The following SLC13A3 variants were observed in gnomAD, a reference collection of about 807,000 sequenced individuals.
The protein encoded by SLC13A3 is solute carrier family 13 member 3.
SLC13A3 carries 40 observed loss-of-function variants against 59.0 expected under a neutral mutation model. The ratio of observed to expected loss-of-function variants is 0.68; its 90% CI spans 0.53 to 0.88. The LOEUF (loss-of-function observed/expected upper bound fraction) is 0.88, where lower values mean the gene tolerates loss of function less well. SLC13A3 is among the 40% of genes least tolerant of loss of function. The pLI, the probability that SLC13A3 is intolerant of heterozygous loss-of-function variation, is 0.00. For missense variants in SLC13A3, 699 were observed against 783.2 expected, an observed-to-expected ratio of 0.89 and a Z score of 1.28; for synonymous variants, 317 against 330.3, an observed-to-expected ratio of 0.96 and a Z score of 0.44.
At chr20:46,588,846 G>A (rs78632391) in intron 7 of SLC13A3, among the ~76,000 whole-genome samples, 1,787 of 152,250 alleles carry the variant, frequency 0.012, 41 homozygotes, top group African/African-American at 0.041. Flanking sequence ...CATTAAACAA[G>A]GTCCCGGAAG....
At chr20:46,670,712 T>C (rs2063086092), upstream of SLC13A3, among the ~76,000 whole-genome samples, 1 of 152,142 alleles carries the variant, frequency 6.6e-6, no homozygotes, top group Non-Finnish European at 1.5e-5. Context: ...CTGCACCATG[T>C]GGAGCAGAAG....
intron 5 of SLC13A3, among the ~76,000 whole-genome samples, chr20:46,594,839 T>C (rs980859086): frequency 1.3e-5 from 2 of 152,064 alleles, no homozygotes; most frequent in African/African-American, 4.8e-5. Context: ...GTATTGGCAA[T>C]TCATCTCACT....
At chr20:46,581,452 A>C (rs1409806936) in intron 9 of SLC13A3, among the ~76,000 whole-genome samples, 1 of 152,218 alleles carries the variant, frequency 6.6e-6, no homozygotes, top group Non-Finnish European at 1.5e-5. Flanking sequence ...CTGGGCAAAG[A>C]GAAGTGACAC....
upstream of SLC13A3, chr20:46,651,500 G>A: frequency 3.0e-6 from 4 of 1,350,096 alleles, no homozygotes; most frequent in Non-Finnish European, 3.8e-6. Context: ...CCTGGGGGAG[G>A]GTCGGGGAGG....
intron 11 of SLC13A3, among the ~76,000 whole-genome samples, chr20:46,565,915 T>C (rs529495854): frequency 3.3e-5 from 5 of 152,318 alleles, no homozygotes; most frequent in Non-Finnish European, 7.4e-5. Flanking sequence ...GCCATTTGTT[T>C]ACTCAGATTT....
chr20:46,603,086 G>A (rs1439936836), intron 3 of SLC13A3, among the ~76,000 whole-genome samples: 1 of 151,948 alleles, frequency 6.6e-6, no homozygotes, highest in African/African-American at 2.4e-5. Flanking sequence ...GCTGAGGCAG[G>A]AGAATTGCTT....
intron 1 of SLC13A3, among the ~76,000 whole-genome samples, chr20:46,665,039 AT>A (rs77736628): frequency 0.097 from 14,559 of 150,130 alleles, 1,248 homozygotes; most frequent in African/African-American, 0.23. Context: ...TTCTGCTTTC[AT>A]TTTTTTTTTA....
chr20:46,614,142 GAGA>G (rs2062532140), intron 1 of SLC13A3, among the ~76,000 whole-genome samples: 1 of 152,218 alleles, frequency 6.6e-6, no homozygotes, highest in Non-Finnish European at 1.5e-5. Flanking sequence ...AGTGTCCCAT[GAGA>G]AGGTTACCAC....
intron 7 of SLC13A3, 85 bp from the exon 8 acceptor site, chr20:46,588,248 G>A (rs1201783981): frequency 1.3e-6 from 1 of 750,216 alleles, no homozygotes; most frequent in Non-Finnish European, 2.2e-6. Flanking sequence ...CTGCCCACTG[G>A]GAGTGACTGG....
upstream of SLC13A3, among the ~76,000 whole-genome samples, chr20:46,653,361 C>G (rs548877404): frequency 5.3e-5 from 8 of 152,296 alleles, no homozygotes; most frequent in African/African-American, 1.9e-4. Context: ...TTTGTTCTCA[C>G]AGAAGTGTCC....
rs542553100 is a variant in SLC13A3, at chr20:46,613,865, G to T, written c.112-140C>A. 1.2e-4 allele frequency: 84 copies of T among 726,364 alleles called. No individual in the cohort carries two copies. In the East Asian group the frequency reaches 2.3e-3, roughly 20 times the overall value. The allele number at this position is 726,364 out of a possible 1,614,324, so 45.0% of individuals were successfully genotyped here. On this transcript the variant is annotated intron_variant, in intron 1 of 12. Coordinates refer to ENST00000279027, the MANE Select transcript of SLC13A3 (RefSeq NM_022829.6). ...GGAGGCCTGCGGCAGGGCCTGCCCC[G>T]GCTTGTTCTCAGGGCAGCAGTGGAG...
chr20:46,583,489 G>C (rs2062159314), intron 9 of SLC13A3, 83 bp downstream of exon 9: 1 of 1,566,012 alleles, frequency 6.4e-7, no homozygotes, highest in Non-Finnish European at 8.6e-7. Flanking sequence ...TTAGTGCAGT[G>C]GGGGGCTCCA....
At chr20:46,604,552 C>T (rs1473118255) in intron 3 of SLC13A3, among the ~76,000 whole-genome samples, 1 of 152,130 alleles carries the variant, frequency 6.6e-6, no homozygotes, top group Non-Finnish European at 1.5e-5. Context: ...TGTCTCGCCC[C>T]GTGGTTTGGG....
chr20:46,593,496 A>G (rs1416790821), intron 5 of SLC13A3, among the ~76,000 whole-genome samples: 1 of 152,214 alleles, frequency 6.6e-6, no homozygotes, highest in Non-Finnish European at 1.5e-5. Flanking sequence ...AAATATTAAT[A>G]AACTCTATAT....
At position 46,610,528 on chromosome 20, in the gene SLC13A3, G is replaced by T. The variant is rs779531657; in HGVS notation, c.459C>A (p.Pro153=). 6.2e-7 allele frequency: 1 copy of T among 1,614,118 alleles called. No individual in the cohort carries two copies. Among genetic ancestry groups the T allele is most frequent in the Non-Finnish European group, 8.5e-7 (1 of 1,179,992 alleles). The change falls in exon 3 of 13, where the codon CCC becomes CCA. Residue 153 remains proline (P), a synonymous_variant. Transcript: ENST00000279027. ...SNTASTAMML[P]IANAILKSLF... ...GACTTTTCAGGATGGCATTGGCAATGGGAAGCATCATGGCAGTGGAGGCGG... is the reference window on the plus strand; with the variant it reads ...GACTTTTCAGGATGGCATTGGCAATTGGAAGCATCATGGCAGTGGAGGCGG...
rs1568937291 is a variant in SLC13A3 at position 46,613,610 on chromosome 20, A to T, written c.227T>A (p.Leu76Ter). 1 of 1,613,170 alleles carries T rather than the reference A, an allele frequency of 6.2e-7. No homozygotes were observed. The highest frequency in any genetic ancestry group is 8.5e-7 in the Non-Finnish European group (1 of 1,179,528). Residue 76 changes from leucine (L) to a stop codon, truncating the protein, a stop_gained, in exon 2 of 13, where the codon TTG (leucine) becomes TAG (stop). Coordinates refer to ENST00000279027, the MANE Select transcript of SLC13A3 (RefSeq NM_022829.6). LOFTEE classifies it high-confidence loss of function. Reference sequence around the variant, plus strand: ...CTGGGGGCAGACCTTGTTGGAGGGCAAGATGCCCATGAAGGGGAAGAGGAC... The same window carrying T: ...CTGGGGGCAGACCTTGTTGGAGGGCTAGATGCCCATGAAGGGGAAGAGGAC... ...PIVLFPFMGILPSNKVCPQYF... is the reference protein window; with the variant it reads ...PIVLFPFMGI
intron 10 of SLC13A3, 120 bp downstream of exon 10, chr20:46,575,453 C>T: frequency 1.9e-6 from 1 of 520,596 alleles, no homozygotes; most frequent in East Asian, 3.3e-5. Flanking sequence ...AGGAAACTGG[C>T]TGTGCCCCCA....
intron 2 of SLC13A3, among the ~76,000 whole-genome samples, chr20:46,612,104 TCTCTTTCTCTC>T (rs2062502713): frequency 6.9e-6 from 1 of 145,052 alleles, no homozygotes; most frequent in African/African-American, 2.7e-5. Context: ...TCTTTCTTTC[TCTCTTTCTCTC>T]TCTCTTTGCT....
chr20:46,645,811 A>G (rs1249625302), intron 1 of SLC13A3, among the ~76,000 whole-genome samples: 1 of 152,172 alleles, frequency 6.6e-6, no homozygotes, highest in Non-Finnish European at 1.5e-5. Flanking sequence ...TCTCCTAATC[A>G]TCAGTGATGA....
Sources: allele counts gnomAD v4.1 joint callset (sites outside exome capture counted in the v4.1 genomes callset), GRCh38; gene constraint gnomAD v4.1.1; transcripts MANE v1.5; gene names NCBI Gene and HGNC (gene_info 2026-07-23, HGNC 2026-07-21).